DTNB: variants seen among roughly 807,000 people sequenced by gnomAD.
The protein encoded by DTNB is DTN-B.
In DTNB, 63 loss-of-function variants were observed where a neutral mutation model predicts 90.7. The observed-to-expected ratio is 0.69, with a 90% CI of 0.57 to 0.86. DTNB has a LOEUF of 0.86. DTNB is among the 40% of genes least tolerant of loss of function. The probability of loss-of-function intolerance (pLI) is 0.00; values close to 1 mark genes in which losing one functional copy is unlikely to be tolerated. For missense variants in DTNB, 744 were observed against 807.1 expected (o/e 0.92, Z 0.95); for synonymous variants, 277 against 286.7 (o/e 0.97, Z 0.34).
intron 3 of DTNB, among the ~76,000 whole-genome samples, chr2:25,633,758 G>A (rs1230732383): frequency 6.6e-6 from 1 of 152,022 alleles, no homozygotes; most frequent in Non-Finnish European, 1.5e-5. Flanking sequence ...TAGGAAGTGA[G>A]GAAGTGAGGA....
intron 16 of DTNB, among the ~76,000 whole-genome samples, chr2:25,394,558 T>TA (rs917221402): frequency 2.6e-5 from 4 of 151,768 alleles, no homozygotes; most frequent in African/African-American, 9.7e-5. Context: ...AATAATCCCA[T>TA]AAAAAAGTGG....
chr2:25,388,679 T>G, intron 16 of DTNB: 1 of 299,150 alleles, frequency 3.3e-6, no homozygotes, highest in Non-Finnish European at 6.2e-6. Flanking sequence ...TAGAAGGGCT[T>G]GGCTTGCAGG....
chr2:25,406,482 C>A (rs1321602573), intron 16 of DTNB, among the ~76,000 whole-genome samples: 1 of 151,190 alleles, frequency 6.6e-6, no homozygotes, highest in African/African-American at 2.4e-5. Context: ...TTGCGGTGAG[C>A]CGAGATCGTG....
intron 10 of DTNB, among the ~76,000 whole-genome samples, chr2:25,474,612 C>T (rs879617400): frequency 2.4e-4 from 37 of 152,288 alleles, no homozygotes; most frequent in Middle Eastern, 3.4e-3. Flanking sequence ...AAGATAAACT[C>T]TTTACCTTGT....
chr2:25,654,816 T>C (rs753038814), intron 1 of DTNB, among the ~76,000 whole-genome samples: 7 of 152,236 alleles, frequency 4.6e-5, no homozygotes, highest in Non-Finnish European at 5.9e-5. Flanking sequence ...TTAATCCTTC[T>C]GAATCTCGGA....
chr2:25,607,109 G>T, intron 5 of DTNB, 127 bp downstream of exon 5: 1 of 977,498 alleles, frequency 1.0e-6, no homozygotes, highest in Non-Finnish European at 1.5e-6. Context: ...TGAGCCAGCT[G>T]CTGCAGCGTG....
intron 3 of DTNB, among the ~76,000 whole-genome samples, chr2:25,637,451 C>T (rs11690938): frequency 0.44 from 66,895 of 151,982 alleles, 15,839 homozygotes; most frequent in East Asian, 0.77. Context: ...ATTTTTGCCA[C>T]CTACCCATCT....
At chr2:25,490,859 T>C (rs1226104827) in intron 9 of DTNB, among the ~76,000 whole-genome samples, 14 of 152,132 alleles carry the variant, frequency 9.2e-5, no homozygotes, top group Admixed American at 8.5e-4. Flanking sequence ...TATACAATTA[T>C]TTATACATAC....
chr2:25,633,429 G>A (rs1221629620), intron 3 of DTNB, among the ~76,000 whole-genome samples: 2 of 152,122 alleles, frequency 1.3e-5, no homozygotes, highest in Non-Finnish European at 2.9e-5. Context: ...GCCTCTCGAG[G>A]TGCCGGGATT....
At chr2:25,431,403 A>T (rs988634021) in intron 14 of DTNB, among the ~76,000 whole-genome samples, 1 of 152,226 alleles carries the variant, frequency 6.6e-6, no homozygotes, top group Non-Finnish European at 1.5e-5. Flanking sequence ...AGTGTGAAGT[A>T]GAAGACCAGT....
chr2:25,455,896 C>T (rs1234065291), intron 10 of DTNB, among the ~76,000 whole-genome samples: 2 of 152,308 alleles, frequency 1.3e-5, no homozygotes, highest in East Asian at 3.9e-4. Context: ...CCCCCTAGCG[C>T]TATGCTTTTA....
intron 14 of DTNB, 115 bp downstream of exon 14, chr2:25,432,771 G>A (rs535839779): frequency 1.7e-5 from 18 of 1,074,214 alleles, no homozygotes; most frequent in Admixed American, 6.0e-5. Context: ...AGTGGTCTGC[G>A]CTCACAGGAT....
intron 6 of DTNB, among the ~76,000 whole-genome samples, chr2:25,584,371 A>C (rs1290356833): frequency 6.6e-6 from 1 of 152,210 alleles, no homozygotes; most frequent in East Asian, 1.9e-4. Context: ...TGGATAAGCA[A>C]ACATGGGAAT....
intron 6 of DTNB, among the ~76,000 whole-genome samples, chr2:25,593,134 G>C (rs1376415471): frequency 6.6e-6 from 1 of 152,184 alleles, no homozygotes; most frequent in Non-Finnish European, 1.5e-5. Context: ...CTTGAAACCA[G>C]TCACTTCTCT....
intron 4 of DTNB, among the ~76,000 whole-genome samples, chr2:25,616,036 T>G (rs926430172): frequency 6.6e-6 from 1 of 152,224 alleles, no homozygotes; most frequent in African/African-American, 2.4e-5. Flanking sequence ...AAGGACATAA[T>G]AAAAGATTAC....
chr2:25,467,412 C>T (rs942718829), intron 10 of DTNB, among the ~76,000 whole-genome samples: 7 of 151,584 alleles, frequency 4.6e-5, no homozygotes, highest in East Asian at 3.9e-4. Context: ...AATCCTTGCA[C>T]CTCAGTCTCT....
Position 25,541,696 on chromosome 2 carries a change from TC to T in DTNB, c.877-10100del, listed in dbSNP as rs200897562. Among the ~76,000 whole-genome samples, 290 of 152,300 alleles carry T rather than the reference TC, an allele frequency of 1.9e-3. 2 individuals are homozygous for T. Among genetic ancestry groups the T allele is most frequent in the African/African-American group, 6.7e-3 (279 of 41,562 alleles). On this transcript the variant is annotated intron_variant, in intron 8 of 20. Coordinates refer to ENST00000406818, the MANE Select transcript of DTNB (RefSeq NM_021907.5). Reference sequence around the variant, plus strand: ...GTAGGATGCTTCTGTCCCTTGGTTATCATGAATAGCGTTGCTATGAACATGA... The same window carrying T: ...GTAGGATGCTTCTGTCCCTTGGTTATATGAATAGCGTTGCTATGAACATGA...
chr2:25,455,423 C>A lies in DTNB; in HGVS notation c.1151G>T (p.Arg384Leu), dbSNP rs377592272. Residue 384 changes from arginine (R) to leucine (L), a missense_variant, in exon 11 of 21, where the codon CGT (arginine) becomes CTT (leucine). Transcript: ENST00000406818. ...EHALIASYVA[R>L]LQHCARVLDS... ...CACTGACCGTGCACAGTGCTGCAGA[C>A]GGGCCACATAGGAGGCTATCAGCGC... The A allele has an allele frequency of 6.2e-7, 1 of 1,601,796 alleles. No homozygotes were observed. Among genetic ancestry groups the A allele is most frequent in the Non-Finnish European group, 8.5e-7 (1 of 1,174,540 alleles).
At chr2:25,490,786 T>TAC (rs2067226497) in intron 9 of DTNB, among the ~76,000 whole-genome samples, 1 of 152,190 alleles carries the variant, frequency 6.6e-6, no homozygotes, top group Non-Finnish European at 1.5e-5. Context: ...TACTGAGTGT[T>TAC]TGATATCTAT....
Sources: allele counts gnomAD v4.1 joint callset (sites outside exome capture counted in the v4.1 genomes callset), GRCh38; gene constraint gnomAD v4.1.1; transcripts MANE v1.5; gene names NCBI Gene and HGNC (gene_info 2026-07-23, HGNC 2026-07-21).